The following ZNF469 variants were observed in gnomAD, a reference collection of about 807,000 sequenced individuals.
The protein encoded by ZNF469 is zinc finger protein 469.
ZNF469 carries 1 observed loss-of-function variant against 1.0 expected under a neutral mutation model. That is an observed-to-expected ratio of 1.00 (90% CI 0.35 to 4.73). The LOEUF (loss-of-function observed/expected upper bound fraction) is 4.73. Among genes scored for constraint, ZNF469 ranks in the 30% most tolerant of loss-of-function variants. The probability of loss-of-function intolerance (pLI) is 0.16; values close to 1 mark genes in which losing one functional copy is unlikely to be tolerated. For missense variants in ZNF469, 6,100 were observed against 5,356.3 expected (o/e 1.14, Z -4.33); for synonymous variants, 2,703 against 2,363.4 (o/e 1.14, Z -4.17).
chr16:88,247,240 G>GGTGAATGA, the ZNF469 span, among the ~76,000 whole-genome samples: 3 of 147,472 alleles, frequency 2.0e-5, no homozygotes, highest in Admixed American at 6.7e-5. Flanking sequence ...GGGAGTGAAT[G>GGTGAATGA]GTGAATGAGT....
At chr16:88,374,275 G>A in the ZNF469 span, among the ~76,000 whole-genome samples, 1 of 152,212 alleles carries the variant, frequency 6.6e-6, no homozygotes, top group Non-Finnish European at 1.5e-5. Flanking sequence ...CAGCATAGAG[G>A]AGGTGACTTC....
At chr16:88,204,834 A>T in the ZNF469 span, among the ~76,000 whole-genome samples, 1 of 152,130 alleles carries the variant, frequency 6.6e-6, no homozygotes, top group Non-Finnish European at 1.5e-5. Flanking sequence ...CACTCTTGAG[A>T]CCTGGATCCT....
the ZNF469 span, among the ~76,000 whole-genome samples, chr16:88,148,297 G>T: frequency 1.3e-5 from 2 of 152,130 alleles, no homozygotes; most frequent in Non-Finnish European, 2.9e-5. Flanking sequence ...CCCCCATGGG[G>T]CCTGCAGCAT....
the ZNF469 span, among the ~76,000 whole-genome samples, chr16:88,255,705 T>C: frequency 6.6e-6 from 1 of 152,242 alleles, no homozygotes; most frequent in Non-Finnish European, 1.5e-5. Flanking sequence ...TTTTGGAGAA[T>C]AAACCTGAGA....
chr16:88,299,884 G>T, the ZNF469 span, among the ~76,000 whole-genome samples: 1 of 152,196 alleles, frequency 6.6e-6, no homozygotes, highest in East Asian at 1.9e-4. Flanking sequence ...GGCCAGCACT[G>T]CCCCGGTGCA....
the ZNF469 span, among the ~76,000 whole-genome samples, chr16:88,206,045 G>C: frequency 6.6e-6 from 1 of 152,184 alleles, no homozygotes; most frequent in Non-Finnish European, 1.5e-5. Context: ...GCAGCCCCCA[G>C]GGAGAGACGC....
the ZNF469 span, among the ~76,000 whole-genome samples, chr16:88,288,794 C>A: frequency 1.3e-5 from 2 of 152,032 alleles, no homozygotes; most frequent in South Asian, 2.1e-4. Flanking sequence ...ACCAGAGGGG[C>A]TTTAATATAA....
chr16:88,395,114 A>G (rs1904617731), intron 1 of ZNF469, among the ~76,000 whole-genome samples: 1 of 152,208 alleles, frequency 6.6e-6, no homozygotes, highest in Non-Finnish European at 1.5e-5. Flanking sequence ...TGAACTCTGT[A>G]GGCAGAACTT....
the ZNF469 span, among the ~76,000 whole-genome samples, chr16:88,162,690 T>C: frequency 2.7e-4 from 40 of 145,874 alleles, no homozygotes; most frequent in African/African-American, 9.3e-4. Context: ...TTTTATTCTC[T>C]GTGTCTTGGT....
At chr16:88,275,464 C>G in the ZNF469 span, among the ~76,000 whole-genome samples, 1 of 152,308 alleles carries the variant, frequency 6.6e-6, no homozygotes, top group Non-Finnish European at 1.5e-5. Context: ...ATCCAGTGCT[C>G]CTGAGATCCC....
At chr16:88,355,889 C>T in the ZNF469 span, among the ~76,000 whole-genome samples, 2 of 152,108 alleles carry the variant, frequency 1.3e-5, no homozygotes, top group South Asian at 2.1e-4. Context: ...CCTCGGCGGC[C>T]GCCTCTTGGG....
At chr16:88,327,415 G>A in the ZNF469 span, among the ~76,000 whole-genome samples, 1 of 152,346 alleles carries the variant, frequency 6.6e-6, no homozygotes, top group South Asian at 2.1e-4. Context: ...GTGGGCTGCA[G>A]GCCACATCCT....
At chr16:88,183,329 T>C in the ZNF469 span, among the ~76,000 whole-genome samples, 2 of 152,124 alleles carry the variant, frequency 1.3e-5, no homozygotes, top group Admixed American at 1.3e-4. Context: ...AAACTGCACG[T>C]CCCCACCAAA....
the ZNF469 span, among the ~76,000 whole-genome samples, chr16:88,263,730 G>T: frequency 6.6e-6 from 1 of 152,158 alleles, no homozygotes; most frequent in Admixed American, 6.5e-5. Context: ...CAGATGGACA[G>T]ACTTTGTGGG....
At chr16:88,400,204 C>T (rs1160211733) in intron 1 of ZNF469, among the ~76,000 whole-genome samples, 1 of 152,234 alleles carries the variant, frequency 6.6e-6, no homozygotes, top group Non-Finnish European at 1.5e-5. Flanking sequence ...GCATCTGGAT[C>T]AGCAGGCCCG....
chr16:88,322,236 G>A, the ZNF469 span, among the ~76,000 whole-genome samples: 1 of 152,180 alleles, frequency 6.6e-6, no homozygotes, highest in Admixed American at 6.5e-5. Flanking sequence ...ACCCAAACCT[G>A]TGCCCCACAC....
the ZNF469 span, among the ~76,000 whole-genome samples, chr16:88,325,136 A>C: frequency 6.8e-6 from 1 of 147,266 alleles, no homozygotes; most frequent in African/African-American, 2.5e-5. Context: ...TGCACACTCC[A>C]GGTGGTCCCG....
Position 88,436,189 on chromosome 16 carries a change from C to T in ZNF469, c.8719C>T (p.Arg2907Cys), listed in dbSNP as rs750710598. The change falls in exon 3 of 3, where the codon CGC (arginine) becomes TGC (cysteine). Residue 2907 changes from arginine to cysteine, a missense_variant. Transcript: ENST00000565624. The stretch of plus-strand genomic sequence containing the variant: ...CGGTGACCCCACGCTGGGCCCAGCC[C>T]GCCTGCCCACGGACCTCAGCGACTC... ...EGGDPTLGPA[R>C]LPTDLSDSSS... 65 of 1,547,712 alleles carry T rather than the reference C, an allele frequency of 4.2e-5. No homozygotes were observed. Among genetic ancestry groups the T allele is most frequent in the South Asian group, 6.0e-5 (5 of 84,018 alleles).
At chr16:88,246,058 G>C in the ZNF469 span, among the ~76,000 whole-genome samples, 1 of 152,276 alleles carries the variant, frequency 6.6e-6, no homozygotes, top group African/African-American at 2.4e-5. Flanking sequence ...AGTGCTCAAA[G>C]GGCTTCCCTC....
Sources: gnomAD v4.1 joint callset for allele counts (sites outside exome capture counted in the v4.1 genomes callset) on GRCh38, gnomAD v4.1.1 for gene constraint, MANE v1.5 for transcripts, NCBI Gene and HGNC (gene_info 2026-07-23, HGNC 2026-07-21) for gene names.